The following PTGIS variants were observed in gnomAD, a reference collection of about 807,000 sequenced individuals.
PTGIS encodes the protein prostaglandin I2 synthase.
In PTGIS, 45 loss-of-function variants were observed where a neutral mutation model predicts 50.3. The observed-to-expected ratio is 0.90, with a 90% CI of 0.70 to 1.15. PTGIS has a LOEUF of 1.15. Ranked by LOEUF, PTGIS falls within the 50% of genes most tolerant of loss-of-function variation. The pLI is 0.00. For missense variants in PTGIS, 668 were observed against 661.3 expected (o/e 1.01, Z -0.11); for synonymous variants, 260 against 267.7 (o/e 0.97, Z 0.28).
At chr20:49,515,615 A>C (rs1249423226) in intron 6 of PTGIS, among the ~76,000 whole-genome samples, 1 of 152,260 alleles carries the variant, frequency 6.6e-6, no homozygotes, top group Non-Finnish European at 1.5e-5. Flanking sequence ...ATATGCACAA[A>C]GATAATTATT....
At chr20:49,549,986 A>G in intron 2 of PTGIS, 80 bp downstream of exon 2, 3 of 1,602,924 alleles carry the variant, frequency 1.9e-6, no homozygotes, top group Non-Finnish European at 2.6e-6. Context: ...ATAGGGACAT[A>G]TGTTGAAGGA....
chr20:49,560,109 G>C (rs1232859598), intron 1 of PTGIS, among the ~76,000 whole-genome samples: 1 of 151,940 alleles, frequency 6.6e-6, no homozygotes, highest in African/African-American at 2.4e-5. Context: ...ATTTTTAGTA[G>C]AGATGGGTTT....
intron 5 of PTGIS, among the ~76,000 whole-genome samples, chr20:49,533,344 C>G (rs927559667): frequency 6.6e-6 from 1 of 152,022 alleles, no homozygotes; most frequent in African/African-American, 2.4e-5. Context: ...ATAAACAGCC[C>G]CCCAAAATAA....
At chr20:49,518,281 A>G (rs77401275) in intron 6 of PTGIS, among the ~76,000 whole-genome samples, 4,456 of 152,286 alleles carry the variant, frequency 0.029, 92 homozygotes, top group Non-Finnish European at 0.045. Flanking sequence ...GACACCAGCG[A>G]TGGAGAGGCG....
At chr20:49,563,856 ATC>A (rs1469184538) in intron 1 of PTGIS, among the ~76,000 whole-genome samples, 2 of 152,218 alleles carry the variant, frequency 1.3e-5, no homozygotes, top group African/African-American at 4.8e-5. Context: ...CAACCAAGAG[ATC>A]TCTCTCAGTG....
At chr20:49,514,051 T>A (rs1190313754) in intron 7 of PTGIS, among the ~76,000 whole-genome samples, 176 bp downstream of exon 7, 1 of 152,226 alleles carries the variant, frequency 6.6e-6, no homozygotes, top group Non-Finnish European at 1.5e-5. Flanking sequence ...ACTTGACCCC[T>A]AGCTGAGGCT....
chr20:49,512,099 G>A (rs1247942463), intron 8 of PTGIS, among the ~76,000 whole-genome samples: 3 of 151,694 alleles, frequency 2.0e-5, no homozygotes, highest in African/African-American at 7.3e-5. Context: ...ATGGACAGAC[G>A]GATGGATAGA....
At chr20:49,534,803 C>T (rs1400412849) in intron 5 of PTGIS, among the ~76,000 whole-genome samples, 7 of 152,056 alleles carry the variant, frequency 4.6e-5, no homozygotes, top group South Asian at 4.2e-4. Context: ...CACAAACAGC[C>T]GGCTCATAAA....
chr20:49,528,727 C>G (rs2074710976), intron 5 of PTGIS, among the ~76,000 whole-genome samples: 1 of 152,186 alleles, frequency 6.6e-6, no homozygotes, highest in Non-Finnish European at 1.5e-5. Flanking sequence ...TAAACCTTAC[C>G]CAAGAGTTAT....
At chr20:49,531,219 C>T (rs76998991) in intron 5 of PTGIS, among the ~76,000 whole-genome samples, 3,290 of 152,174 alleles carry the variant, frequency 0.022, 59 homozygotes, top group Middle Eastern at 0.051. Context: ...GGCAAACCCC[C>T]CAAAAATAAT....
chr20:49,559,345 C>T (rs536137816), intron 1 of PTGIS, among the ~76,000 whole-genome samples: 90 of 152,264 alleles, frequency 5.9e-4, no homozygotes, highest in Non-Finnish European at 1.1e-3. Flanking sequence ...CTCTTGCCTT[C>T]GGAAACGCCC....
intron 1 of PTGIS, among the ~76,000 whole-genome samples, chr20:49,556,961 T>G (rs1982634975): frequency 6.6e-6 from 1 of 152,202 alleles, no homozygotes; most frequent in African/African-American, 2.4e-5. Context: ...AACTTAAACT[T>G]TGGAAGAAAA....
At chr20:49,510,445 A>G (rs576119) in intron 9 of PTGIS, among the ~76,000 whole-genome samples, 60,089 of 151,992 alleles carry the variant, frequency 0.4, 14,460 homozygotes, top group African/African-American at 0.69. Context: ...CTCCTGGGGT[A>G]TAGTTATAAT....
intron 5 of PTGIS, among the ~76,000 whole-genome samples, chr20:49,533,640 C>G (rs1981991704): frequency 6.6e-6 from 1 of 152,094 alleles, no homozygotes; most frequent in Non-Finnish European, 1.5e-5. Flanking sequence ...TTCCCAAAGG[C>G]AAAAATCTAT....
intron 5 of PTGIS, among the ~76,000 whole-genome samples, chr20:49,537,422 G>A (rs1020425586): frequency 6.6e-6 from 1 of 152,198 alleles, no homozygotes; most frequent in African/African-American, 2.4e-5. Context: ...GCTGTAAGCG[G>A]TACAACAATT....
chr20:49,524,342 C>A, intron 5 of PTGIS, 103 bp from the exon 6 acceptor site: 1 of 1,347,492 alleles, frequency 7.4e-7, no homozygotes, highest in African/African-American at 1.4e-5. Flanking sequence ...TTCTGAATGT[C>A]ACTCATTGAG....
chr20:49,564,541 G>A (rs1235225968), intron 1 of PTGIS, among the ~76,000 whole-genome samples: 5 of 152,162 alleles, frequency 3.3e-5, no homozygotes, highest in Admixed American at 2.6e-4. Flanking sequence ...GTGAGCCACC[G>A]TGCCCAGCCT....
intron 4 of PTGIS, 27 bp downstream of exon 4, chr20:49,544,278 A>G (rs1348539511): frequency 6.2e-7 from 1 of 1,613,354 alleles, no homozygotes. Context: ...GGGCCCCAGC[A>G]GGAGGGTGGG....
chr20:49,510,516 A>C (rs1981284272), intron 9 of PTGIS, among the ~76,000 whole-genome samples: 1 of 152,142 alleles, frequency 6.6e-6, no homozygotes, highest in Non-Finnish European at 1.5e-5. Context: ...TTATGATTGC[A>C]CAGGGGCTGG....
Sources: gnomAD v4.1 joint callset for allele counts (sites outside exome capture counted in the v4.1 genomes callset) on GRCh38, gnomAD v4.1.1 for gene constraint, MANE v1.5 for transcripts, NCBI Gene and HGNC (gene_info 2026-07-23, HGNC 2026-07-21) for gene names.